LINGO1: variants seen among roughly 807,000 people sequenced by gnomAD.
LINGO1 encodes the protein leucine rich repeat and Ig domain containing 1, also known as leucine-rich repeat and immunoglobulin-like domain-containing nogo receptor-interacting protein 1.
LINGO1 carries 11 observed loss-of-function variants against 37.3 expected under a neutral mutation model. That is an observed-to-expected ratio of 0.29 (90% CI 0.19 to 0.49). The LOEUF (loss-of-function observed/expected upper bound fraction) is 0.49. Ranked by LOEUF, LINGO1 falls within the 20% of genes least tolerant of loss-of-function variation. LINGO1 has a pLI of 0.99. For synonymous variants in LINGO1, 387 were observed against 403.0 expected, an observed-to-expected ratio of 0.96 and a Z score of 0.48; for missense variants, 585 against 878.2, an observed-to-expected ratio of 0.67 and a Z score of 4.22.
At chr15:77,704,501 A>G (rs1227650831) in intron 2 of LINGO1, among the ~76,000 whole-genome samples, 1 of 150,438 alleles carries the variant, frequency 6.6e-6, no homozygotes, top group African/African-American at 2.5e-5. Flanking sequence ...TCACAGACTG[A>G]GTCCTGACAC....
intron 2 of LINGO1, among the ~76,000 whole-genome samples, chr15:77,677,896 C>A (rs1357980461): frequency 6.6e-6 from 1 of 152,228 alleles, no homozygotes. Context: ...CAGTGGCACC[C>A]ACCATGCCCA....
At chr15:77,718,417 TGTCAAC>T (rs2076010646) in intron 2 of LINGO1, among the ~76,000 whole-genome samples, 1 of 150,868 alleles carries the variant, frequency 6.6e-6, no homozygotes, top group Non-Finnish European at 1.5e-5. Context: ...TACACACACG[TGTCAAC>T]ATGCACACCT....
intron 1 of LINGO1, among the ~76,000 whole-genome samples, chr15:77,740,720 G>A (rs777570877): frequency 1.3e-5 from 2 of 152,154 alleles, no homozygotes; most frequent in Non-Finnish European, 1.5e-5. Context: ...CAAAGATTTG[G>A]ATAGTAGGGT....
intron 2 of LINGO1, among the ~76,000 whole-genome samples, chr15:77,724,405 G>A (rs1408792973): frequency 6.6e-6 from 1 of 152,180 alleles, no homozygotes; most frequent in African/African-American, 2.4e-5. Flanking sequence ...CTGCAAACGC[G>A]GGGACTTATC....
At chr15:77,634,627 G>C (rs575921129), upstream of LINGO1, among the ~76,000 whole-genome samples, 1 of 152,300 alleles carries the variant, frequency 6.6e-6, no homozygotes, top group East Asian at 1.9e-4. Context: ...GGGCAGGCTC[G>C]GCAGAAGGAC....
At chr15:77,770,844 G>A (rs1367352654) in intron 1 of LINGO1, among the ~76,000 whole-genome samples, 1 of 152,216 alleles carries the variant, frequency 6.6e-6, no homozygotes, top group Non-Finnish European at 1.5e-5. Context: ...TCCAGGGCCG[G>A]AGAGAGCACC....
intron 1 of LINGO1, among the ~76,000 whole-genome samples, chr15:77,782,620 C>G (rs891984793): frequency 6.6e-6 from 1 of 152,094 alleles, no homozygotes; most frequent in African/African-American, 2.4e-5. Context: ...TCTCAGAAAA[C>G]GGTGCCACTT....
intron 1 of LINGO1, among the ~76,000 whole-genome samples, chr15:77,802,083 G>A (rs1567592341): frequency 6.6e-6 from 1 of 152,280 alleles, no homozygotes; most frequent in East Asian, 1.9e-4. Flanking sequence ...AAAAGAGGGA[G>A]AAGCTGGGGT....
intron 1 of LINGO1, among the ~76,000 whole-genome samples, chr15:77,810,227 T>TACAC (rs59680666): frequency 0.01 from 1,501 of 143,178 alleles, 23 homozygotes; most frequent in African/African-American, 0.035. Context: ...CACACAAACA[T>TACAC]ACACACACAC....
At chr15:77,776,472 G>GGCAGGAAA (rs1567577507) in intron 1 of LINGO1, among the ~76,000 whole-genome samples, 43 of 114,862 alleles carry the variant, frequency 3.7e-4, no homozygotes, top group East Asian at 7.7e-4. Context: ...AAGGCAGGAA[G>GGCAGGAAA]GCAGGAAGGC....
intron 1 of LINGO1, among the ~76,000 whole-genome samples, chr15:77,819,723 C>T (rs1245741641): frequency 3.3e-5 from 5 of 151,066 alleles, no homozygotes; most frequent in Non-Finnish European, 7.4e-5. Flanking sequence ...CCTTAGGTGC[C>T]CCGCTGCTCC....
intron 1 of LINGO1, among the ~76,000 whole-genome samples, chr15:77,631,825 T>A (rs533529401): frequency 7.4e-4 from 113 of 152,224 alleles, no homozygotes; most frequent in African/African-American, 2.5e-3. Flanking sequence ...TTGTGTGTGG[T>A]GGGGAGCTGC....
rs768043675 is a variant in LINGO1, at chr15:77,615,557, T to C, written c.350A>G (p.Asn117Ser). The change falls in exon 2 of 2, where the codon AAC becomes AGC. Residue 117 changes from asparagine (N) to serine (S), a missense_variant. Coordinates refer to ENST00000355300, the MANE Select transcript of LINGO1 (RefSeq NM_032808.7). ...VSAVEPGAFN[N>S]LFNLRTLGLR... ...ACCCAGCGTCCGGAGGTTGAAGAGGTTGTTGAAGGCGCCGGGCTCCACGGC... is the reference window on the plus strand; with the variant it reads ...ACCCAGCGTCCGGAGGTTGAAGAGGCTGTTGAAGGCGCCGGGCTCCACGGC... 3 of 1,613,020 alleles carry C rather than the reference T, an allele frequency of 1.9e-6. No homozygotes were observed. The highest frequency in any genetic ancestry group is 2.2e-5 in the South Asian group (2 of 90,982).
At chr15:77,643,537 C>T (rs979145234) in intron 3 of LINGO1, among the ~76,000 whole-genome samples, 6 of 152,178 alleles carry the variant, frequency 3.9e-5, no homozygotes, top group Non-Finnish European at 5.9e-5. Flanking sequence ...ACAGAGCTTC[C>T]GCAGGGGCTC....
Position 77,736,722 on chromosome 15 carries a change from T to C in LINGO1, c.-256-1669A>G, listed in dbSNP as rs539544784. On this transcript the variant is annotated intron_variant, in intron 1 of 3. Transcript: ENST00000561686. The stretch of plus-strand genomic sequence containing the variant: ...CCAGGAGGTGGAGGCTACAGCGAGC[T>C]ATGATCGTGCCACTGCACTCCCGCC... Among the ~76,000 whole-genome samples the C allele has an allele frequency of 5.3e-5, 8 of 152,264 alleles. No individual in the cohort carries two copies. In the South Asian group the frequency reaches 1.5e-3, roughly 28 times the overall value.
At chr15:77,662,748 G>C (rs193189260) in intron 3 of LINGO1, among the ~76,000 whole-genome samples, 87 of 152,310 alleles carry the variant, frequency 5.7e-4, no homozygotes, top group African/African-American at 1.9e-3. Context: ...TGAAGTCGAT[G>C]GACTGACTCC....
intron 2 of LINGO1, among the ~76,000 whole-genome samples, chr15:77,722,902 G>A (rs2141316387): frequency 6.6e-6 from 1 of 152,296 alleles, no homozygotes; most frequent in South Asian, 2.1e-4. Context: ...GGGGAGGGCA[G>A]CAGCAGGGCT....
At chr15:77,616,404 C>T (rs1442413181) in intron 1 of LINGO1, among the ~76,000 whole-genome samples, 2 of 152,216 alleles carry the variant, frequency 1.3e-5, no homozygotes, top group African/African-American at 4.8e-5. Context: ...CCTGCACGGC[C>T]AGGGCTTCTG....
At chr15:77,776,518 A>AAAGCAGGAAGGCAGGAAGGCAGGAAGGG (rs2076650289) in intron 1 of LINGO1, among the ~76,000 whole-genome samples, 1 of 49,534 alleles carries the variant, frequency 2.0e-5, no homozygotes, top group African/African-American at 7.9e-5. Context: ...GGAAGGCAGG[A>AAAGCAGGAAGGCAGGAAGGCAGGAAGGG]AGGGAGGAAG....
Sources: gnomAD v4.1 joint callset for allele counts (sites outside exome capture counted in the v4.1 genomes callset) on GRCh38, gnomAD v4.1.1 for gene constraint, MANE v1.5 for transcripts, NCBI Gene and HGNC (gene_info 2026-07-23, HGNC 2026-07-21) for gene names.